The following ABCG1 variants were observed in gnomAD, a reference collection of about 807,000 sequenced individuals.
The protein encoded by ABCG1 is ATP binding cassette subfamily G member 1.
Under a neutral mutation model 69.2 loss-of-function variants are expected in ABCG1, and 29 were observed. The ratio of observed to expected loss-of-function variants is 0.42; its 90% CI spans 0.31 to 0.57. The LOEUF is 0.57. Among genes scored for constraint, ABCG1 ranks in the 20% least tolerant of loss-of-function variants. ABCG1 has a pLI of 0.15. For synonymous variants in ABCG1, 370 were observed against 374.8 expected (o/e 0.99, Z 0.15); for missense variants, 718 against 898.1 (o/e 0.80, Z 2.56).
At chr21:42,267,638 G>T (rs1174683944) in intron 2 of ABCG1, among the ~76,000 whole-genome samples, 2 of 149,446 alleles carry the variant, frequency 1.3e-5, no homozygotes, top group Admixed American at 6.6e-5. Flanking sequence ...TCTGGGTGTG[G>T]TCTGGGTTCT....
chr21:42,221,533 G>A (rs993137235), intron 1 of ABCG1, among the ~76,000 whole-genome samples: 1 of 152,190 alleles, frequency 6.6e-6, no homozygotes, highest in Admixed American at 6.5e-5. Flanking sequence ...TCCAGTGGGA[G>A]GGTGGTATTT....
chr21:42,240,236 CTG>C (rs989834422), intron 2 of ABCG1, among the ~76,000 whole-genome samples: 46 of 152,190 alleles, frequency 3.0e-4, no homozygotes, highest in African/African-American at 8.2e-4. Flanking sequence ...AGTGAGGAAA[CTG>C]TGGCCTGGAG....
chr21:42,254,241 T>C (rs2068267152), intron 2 of ABCG1, among the ~76,000 whole-genome samples: 1 of 152,222 alleles, frequency 6.6e-6, no homozygotes, highest in Non-Finnish European at 1.5e-5. Flanking sequence ...ACATAGATGC[T>C]TGCAGCTTTG....
chr21:42,216,934 C>T (rs2067647331), upstream of ABCG1, among the ~76,000 whole-genome samples: 2 of 152,210 alleles, frequency 1.3e-5, no homozygotes, highest in African/African-American at 4.8e-5. Context: ...ATTTTGACCC[C>T]ACTGTACAGA....
At chr21:42,239,361 A>G (rs1040574710) in intron 2 of ABCG1, among the ~76,000 whole-genome samples, 2 of 152,252 alleles carry the variant, frequency 1.3e-5, no homozygotes, top group Admixed American at 1.3e-4. Flanking sequence ...TATGTGATGT[A>G]ATAAAATCAT....
chr21:42,251,021 G>A (rs972451254), intron 2 of ABCG1, among the ~76,000 whole-genome samples: 11 of 136,404 alleles, frequency 8.1e-5, no homozygotes, highest in Non-Finnish European at 1.7e-4. Flanking sequence ...ACAGCTCAGC[G>A]CCCAGCAGAC....
At chr21:42,205,843 G>A (rs2067538600) in intron 2 of ABCG1, among the ~76,000 whole-genome samples, 1 of 151,796 alleles carries the variant, frequency 6.6e-6, no homozygotes, top group South Asian at 2.1e-4. Flanking sequence ...TCCCTTTCCC[G>A]ACTGTTTTAG....
chr21:42,212,251 C>T (rs1044505595), upstream of ABCG1, among the ~76,000 whole-genome samples: 4 of 152,094 alleles, frequency 2.6e-5, no homozygotes, highest in Admixed American at 6.5e-5. Context: ...AGACAAAGAC[C>T]TGCAGATGTG....
chr21:42,296,618 T>G lies in ABCG1; in HGVS notation c.*226T>G. The G allele has an allele frequency of 2.0e-6, 1 of 506,980 alleles. No individual in the cohort carries two copies. Among genetic ancestry groups the G allele is most frequent in the Non-Finnish European group, 3.5e-6 (1 of 283,040 alleles). 31.4% of individuals were successfully genotyped at this position (506,980 alleles called of 1,614,324 possible). On this transcript the variant is annotated 3_prime_UTR_variant, in exon 15 of 15. Coordinates refer to ENST00000398449, the MANE Select transcript of ABCG1 (RefSeq NM_016818.3). The surrounding 1 kb of genome is among the most constrained non-coding windows in gnomAD (Gnocchi z 5.4). ...CTTTAACTAGGAAGATGTAGGCAGA[T>G]TGGTGGTTTTTTTTTTTTTAACATA...
chr21:42,293,951 CCA>C (rs2069150360), intron 13 of ABCG1, among the ~76,000 whole-genome samples: 1 of 29,396 alleles, frequency 3.4e-5, no homozygotes, highest in African/African-American at 1.0e-4. Flanking sequence ...ACCGCCCACA[CCA>C]CACACACACT....
Position 42,290,052 on chromosome 21 carries a change from C to A in ABCG1, c.1227C>A (p.Val409=). Residue 409 remains valine, a splice_region_variant and synonymous_variant, in exon 11 of 15, where the codon GTC becomes GTA. Transcript: ENST00000398449. ...RTFLSIMRDS[V]LTHLRITSHI... is the part of the protein sequence containing the mutation. ...GTAAGATGCGGGTCTGTCCCCAGGT[C>A]CTGACACACCTGCGCATCACCTCGC... 1 of 1,614,218 alleles carries A rather than the reference C, an allele frequency of 6.2e-7. No individual in the cohort carries two copies.
chr21:42,259,483 C>A (rs1380527593), intron 2 of ABCG1: 1 of 1,548,032 alleles, frequency 6.5e-7, no homozygotes, highest in South Asian at 1.2e-5. Context: ...GTCATCATGC[C>A]CCCATCCAAC....
At chr21:42,256,755 G>T (rs886310942) in intron 2 of ABCG1, 1 of 1,330,066 alleles carries the variant, frequency 7.5e-7, no homozygotes, top group Non-Finnish European at 9.8e-7. Context: ...AAATGATCAC[G>T]AGCTTAAGGA....
upstream of ABCG1, among the ~76,000 whole-genome samples, chr21:42,218,227 C>T (rs1441470654): frequency 2.0e-5 from 3 of 152,188 alleles, no homozygotes; most frequent in East Asian, 1.9e-4. Context: ...AAATGCATTC[C>T]TGTTTTTCGT....
In ABCG1 at chr21:42,294,591, C is replaced by A; in HGVS notation, c.1703C>A (p.Ser568Ter). 6.2e-7 allele frequency: 1 copy of A among 1,614,222 alleles called. No homozygotes were observed. The highest frequency in any genetic ancestry group is 8.5e-7 in the Non-Finnish European group (1 of 1,180,026). Residue 568 changes from serine (S) to a stop codon, truncating the protein, a stop_gained, in exon 14 of 15, where the codon TCG (serine) becomes TAG (stop). Transcript: ENST00000398449. LOFTEE classifies it high-confidence loss of function. ...ACAGCCATCCCGGTGCTCCTGTTCT[C>A]GGGGTTCTTCGTCAGCTTCGACACC... Reference protein sequence around the residue: ...PVTAIPVLLFSGFFVSFDTIP... With the variant: ...PVTAIPVLLF
In ABCG1 at chr21:42,232,218, G is replaced by A. The variant is rs193243860; in HGVS notation, c.286+6304G>A. On this transcript the variant is annotated intron_variant, in intron 2 of 14. Coordinates refer to ENST00000398449, the MANE Select transcript of ABCG1 (RefSeq NM_016818.3). ...ATTCATGAGAGTTGAATGTTTAGCC[G>A]CCATGTGCAAGACCAAAGGGGTTTG... is the stretch of plus-strand genomic sequence containing the variant. Among the ~76,000 whole-genome samples, 78 of 152,340 alleles carry A rather than the reference G, an allele frequency of 5.1e-4. 1 individual carries two copies. The highest frequency in any genetic ancestry group is 7.4e-4 in the Non-Finnish European group (50 of 68,024).
chr21:42,281,040 G>A (rs187217912), intron 5 of ABCG1, among the ~76,000 whole-genome samples: 204 of 152,378 alleles, frequency 1.3e-3, no homozygotes, highest in African/African-American at 4.8e-3. Flanking sequence ...TGGAGCCCAG[G>A]TCGGCTGACC....
chr21:42,268,286 G>A (rs912516030), intron 2 of ABCG1, among the ~76,000 whole-genome samples: 6 of 152,036 alleles, frequency 3.9e-5, no homozygotes, highest in African/African-American at 1.2e-4. Flanking sequence ...TCGCATCTTC[G>A]CTTTATATTT....
At position 42,286,268 on chromosome 21, in the gene ABCG1, G is replaced by A. The variant is rs1333128418; in HGVS notation, c.973+274G>A. The A allele has an allele frequency of 2.3e-5, 9 of 393,390 alleles. No individual in the cohort carries two copies. The Admixed American group carries it at 3.3e-4, about 15-fold the overall frequency. The allele number at this position is 393,390 out of a possible 1,614,324, so 24.4% of individuals were successfully genotyped here. On this transcript the variant is annotated intron_variant, in intron 8 of 14. Coordinates refer to ENST00000398449, the MANE Select transcript of ABCG1 (RefSeq NM_016818.3). The stretch of plus-strand genomic sequence containing the variant: ...GAGGACAGCAGTCATTGGATTCAGG[G>A]CCCACCCTAAGTCCAGGATGATTCA...
Sources: gnomAD v4.1 joint callset for allele counts (sites outside exome capture counted in the v4.1 genomes callset) on GRCh38, gnomAD v4.1.1 for gene constraint, Gnocchi (gnomAD v3.1) non-coding constraint, MANE v1.5 for transcripts, NCBI Gene and HGNC (gene_info 2026-07-23, HGNC 2026-07-21) for gene names.